The following COL18A1 variants were observed in gnomAD, a reference collection of about 807,000 sequenced individuals.
COL18A1 encodes collagen type XVIII alpha 1 chain, also known as collagen alpha-1(XVIII) chain.
A neutral mutation model predicts 168.0 loss-of-function variants in COL18A1; 133 were observed. The ratio of observed to expected loss-of-function variants is 0.79; its 90% CI spans 0.69 to 0.91. The LOEUF is 0.91. COL18A1 is among the 40% of genes least tolerant of loss of function. The pLI, the probability that COL18A1 is intolerant of heterozygous loss-of-function variation, is 0.00. For missense variants in COL18A1, 2,126 were observed against 1,925.4 expected (o/e 1.10, Z -1.95); for synonymous variants, 949 against 809.0 (o/e 1.17, Z -2.94).
chr21:45,442,963 G>A (rs988707069), intron 2 of COL18A1, among the ~76,000 whole-genome samples: 1 of 142,246 alleles, frequency 7.0e-6, no homozygotes, highest in African/African-American at 2.9e-5. Context: ...GCTGATGTGG[G>A]TGGTGGTGCT....
At chr21:45,508,995 C>T (rs2037412777) in intron 38 of COL18A1, among the ~76,000 whole-genome samples, 1 of 152,092 alleles carries the variant, frequency 6.6e-6, no homozygotes, top group Non-Finnish European at 1.5e-5. Context: ...GGAGACAGAG[C>T]AAGGCCCTGG....
Position 45,509,387 on chromosome 21 carries a change from T to G in COL18A1, c.3281T>G (p.Val1094Gly). ...DNEVAALQPPVVQLHDSNPYP... is the reference protein window; with the variant it reads ...DNEVAALQPPGVQLHDSNPYP... ...GAAGTGGCCGCCTTGCAGCCCCCCG[T>G]GGTGCAGCTGCACGACAGCAACCCC... The change falls in exon 39 of 42, where the codon GTG (valine) becomes GGG (glycine). Residue 1094 changes from valine (V) to glycine (G), a missense_variant. By Grantham distance (109) the Val-to-Gly change is moderately radical (BLOSUM62 -3). Coordinates refer to ENST00000651438, the MANE Select transcript of COL18A1 (RefSeq NM_001379500.1). 6.5e-7 allele frequency: 1 copy of G among 1,540,646 alleles called. No homozygotes were observed. The highest frequency in any genetic ancestry group is 8.8e-7 in the Non-Finnish European group (1 of 1,142,496).
At chr21:45,452,416 ATATG>A (rs1192299438) in intron 2 of COL18A1, among the ~76,000 whole-genome samples, 1 of 151,980 alleles carries the variant, frequency 6.6e-6, no homozygotes, top group Non-Finnish European at 1.5e-5. Context: ...GTGTGTGTAT[ATATG>A]TGAGCTTGTG....
In COL18A1 at chr21:45,405,336, C is replaced by CCT. The variant is rs1412822569; in HGVS notation, c.12-43_12-42insCT. The CCT allele has an allele frequency of 1.3e-4, 137 of 1,025,722 alleles. 1 individual carries two copies. In the African/African-American group the frequency reaches 1.8e-3, roughly 13 times the overall value. The allele number at this position is 1,025,722 out of a possible 1,614,324, so 63.5% of individuals were successfully genotyped here. ...GGGCTCGGCCGGGTCCTGCGGGGGT[C>CCT]GCGGGGGTCCTGCGGGGTCTGACCC... On this transcript the variant is annotated intron_variant, in intron 1 of 41. Coordinates refer to ENST00000651438, the MANE Select transcript of COL18A1 (RefSeq NM_001379500.1).
chr21:45,507,782 A>C (rs1254710977), intron 38 of COL18A1, among the ~76,000 whole-genome samples, 189 bp downstream of exon 38: 1 of 152,150 alleles, frequency 6.6e-6, no homozygotes, highest in Non-Finnish European at 1.5e-5. Context: ...CTGGCCCCCC[A>C]GTACCTCCGT....
intron 26 of COL18A1, 195 bp from the exon 27 acceptor site, chr21:45,494,350 C>T (rs2019537283): frequency 2.7e-6 from 2 of 729,088 alleles, no homozygotes; most frequent in Non-Finnish European, 4.7e-6. Context: ...ACCAGTGGCT[C>T]CTGTCCTCCC....
At chr21:45,459,809 G>A (rs920912954) in intron 2 of COL18A1, among the ~76,000 whole-genome samples, 1 of 152,142 alleles carries the variant, frequency 6.6e-6, no homozygotes, top group Admixed American at 6.5e-5. Context: ...CCGGGACACT[G>A]CCTCCAGGAA....
In COL18A1 at chr21:45,442,653, GCTGGTGTGGGCGGCGGTC is replaced by G. The variant is rs1287977048; in HGVS notation, c.107-25575_107-25558del. Among the ~76,000 whole-genome samples, 8 of 145,862 alleles carry G rather than the reference GCTGGTGTGGGCGGCGGTC, an allele frequency of 5.5e-5. No homozygotes were observed. The East Asian group carries it at 1.2e-3, about 23-fold the overall frequency. On this transcript the variant is annotated intron_variant, in intron 2 of 41. Coordinates refer to ENST00000651438, the MANE Select transcript of COL18A1 (RefSeq NM_001379500.1). The stretch of plus-strand genomic sequence containing the variant: ...CAGCGGGGCTGGTGTGGGCAGCGGT[GCTGGTGTGGGCGGCGGTC>G]CTGGTGTGGGCGGTGGTGGTGCTGG...
At chr21:45,510,425 C>T (rs2037511616) in intron 40 of COL18A1, among the ~76,000 whole-genome samples, 164 bp downstream of exon 40, 1 of 152,176 alleles carries the variant, frequency 6.6e-6, no homozygotes, top group Admixed American at 6.5e-5. Flanking sequence ...TGGGTCACAC[C>T]CCTCCAGGCT....
At chr21:45,452,421 T>G (rs1190727364) in intron 2 of COL18A1, among the ~76,000 whole-genome samples, 1 of 152,132 alleles carries the variant, frequency 6.6e-6, no homozygotes, top group Non-Finnish European at 1.5e-5. Flanking sequence ...TGTATATATG[T>G]GAGCTTGTGT....
intron 2 of COL18A1, among the ~76,000 whole-genome samples, chr21:45,429,493 TGCACCCA>T (rs2083878520): frequency 6.6e-6 from 1 of 152,216 alleles, no homozygotes; most frequent in Non-Finnish European, 1.5e-5. Context: ...TCACCCACTG[TGCACCCA>T]GCACCCAGGC....
Position 45,497,606 on chromosome 21 carries a change from G to A in COL18A1, c.2628G>A (p.Gln876=). 6.4e-7 allele frequency: 1 copy of A among 1,562,770 alleles called. No homozygotes were observed. The highest frequency in any genetic ancestry group is 8.7e-7 in the Non-Finnish European group (1 of 1,153,990). ...RPGPPGLPGN[Q]GPPGPKGAKG... Reference sequence around the variant, plus strand: ...GGGTCTCTCTTCCTCCAGGGAATCAGGGCCCTCCAGGACCCAAGGGCGCCA... The same window carrying A: ...GGGTCTCTCTTCCTCCAGGGAATCAAGGCCCTCCAGGACCCAAGGGCGCCA... The change falls in exon 32 of 42, where the codon CAG becomes CAA. Residue 876 remains glutamine, a synonymous_variant. Coordinates refer to ENST00000651438, the MANE Select transcript of COL18A1 (RefSeq NM_001379500.1).
At chr21:45,505,069 A>G (rs2037109746) in intron 34 of COL18A1, 65 bp from the exon 35 acceptor site, 3 of 1,573,362 alleles carry the variant, frequency 1.9e-6, no homozygotes, top group Non-Finnish European at 1.7e-6. Context: ...GCAGCCCCAC[A>G]AGCTTGCCCG....
intron 2 of COL18A1, among the ~76,000 whole-genome samples, chr21:45,447,669 C>T (rs1355770945): frequency 2.6e-5 from 4 of 152,116 alleles, no homozygotes; most frequent in African/African-American, 9.7e-5. Flanking sequence ...TCAAGGAACC[C>T]AGAATGGCCA....
Position 45,505,188 on chromosome 21 carries a change from C to T in COL18A1, c.2923C>T (p.Pro975Ser), listed in dbSNP as rs779499435. Residue 975 changes from proline (P) to serine (S), a missense_variant, in exon 35 of 42, where the codon CCC becomes TCC. Physicochemically the swap from Pro to Ser is moderately conservative, Grantham distance 74. Coordinates refer to ENST00000651438, the MANE Select transcript of COL18A1 (RefSeq NM_001379500.1). ...GCCCGGCCCACCTGGACCTCAGGGA[C>T]CCCCCGGCATCGGCTACGAGGGGCG... ...GQPGPPGPQG[P>S]PGIGYEGRQG... 5 of 1,602,540 alleles carry T rather than the reference C, an allele frequency of 3.1e-6. No homozygotes were observed. The South Asian group carries it at 5.6e-5, about 18-fold the overall frequency.
Position 45,482,824 on chromosome 21 carries a change from A to G in COL18A1, c.1701+3A>G. 1 of 1,614,128 alleles carries G rather than the reference A, an allele frequency of 6.2e-7. No homozygotes were observed. Among genetic ancestry groups the G allele is most frequent in the Non-Finnish European group, 8.5e-7 (1 of 1,180,012 alleles). On this transcript the variant is annotated splice_donor_region_variant and intron_variant, in intron 15 of 41. Coordinates refer to ENST00000651438, the MANE Select transcript of COL18A1 (RefSeq NM_001379500.1). ...AAGCAGGCGCCCCAGGACATAAGGT[A>G]CAAGCAGAATCCCTGGCACATCAGT...
intron 2 of COL18A1, among the ~76,000 whole-genome samples, chr21:45,437,800 ACAGGCACTCT>A (rs1349399130): frequency 1.4e-5 from 1 of 70,344 alleles, no homozygotes; most frequent in Non-Finnish European, 2.4e-5. Context: ...ACACAGACAC[ACAGGCACTCT>A]CCTGCACACA....
chr21:45,508,647 G>A (rs1000179804), intron 38 of COL18A1, among the ~76,000 whole-genome samples: 18 of 152,210 alleles, frequency 1.2e-4, no homozygotes, highest in African/African-American at 4.3e-4. Context: ...GCCTGATGTG[G>A]AGCAGTGTCA....
intron 30 of COL18A1, 69 bp from the exon 31 acceptor site, chr21:45,496,980 AC>A: frequency 9.7e-7 from 1 of 1,033,272 alleles, no homozygotes; most frequent in South Asian, 1.3e-5. Context: ...GGGCTTGGGG[AC>A]CCCTGAGTGG....
Sources: gnomAD v4.1 joint callset for allele counts (sites outside exome capture counted in the v4.1 genomes callset) on GRCh38, gnomAD v4.1.1 for gene constraint, MANE v1.5 for transcripts, NCBI Gene and HGNC (gene_info 2026-07-23, HGNC 2026-07-21) for gene names.